The following CDKN2B-AS1 variants were observed in gnomAD, a reference collection of about 807,000 sequenced individuals.
CDKN2B-AS1 encodes CDKN2B and CDKN2A antisense cis and trans regulatory RNA 1.
rs749217508 is a variant in CDKN2B-AS1, at chr9:22,033,389, T to C, written n.30-13362T>C. On this transcript the variant is annotated intron_variant and non_coding_transcript_variant, in intron 1 of 4. Coordinates refer to ENST00000650946, the Ensembl canonical transcript of CDKN2B-AS1. ...ATACGGACGAATTTGAATCACAATT[T>C]CCTCACTATATGCCAGCAAAATTTA... 8.5e-4 allele frequency among the ~76,000 whole-genome samples: 130 copies of C among 152,232 alleles called. 2 individuals carry two copies. The highest frequency in any genetic ancestry group is 1.6e-3 in the Non-Finnish European group (108 of 68,008).
chr9:22,012,573 A>G, intron 1 of CDKN2B-AS1: 1 of 514,054 alleles, frequency 1.9e-6, no homozygotes, highest in South Asian at 1.7e-5. Flanking sequence ...CCTCCTGCCC[A>G]GGCCCCATGG....
At chr9:22,063,352 T>C (rs1227734698) in intron 4 of CDKN2B-AS1, among the ~76,000 whole-genome samples, 2 of 152,262 alleles carry the variant, frequency 1.3e-5, no homozygotes, top group East Asian at 3.9e-4. Flanking sequence ...AATTTTTTAA[T>C]GAAGAAGAAA....
intron 4 of CDKN2B-AS1, among the ~76,000 whole-genome samples, chr9:22,111,765 A>G (rs967349085): frequency 2.6e-5 from 4 of 152,204 alleles, no homozygotes; most frequent in Non-Finnish European, 5.9e-5. Flanking sequence ...AAGTGAGACA[A>G]GCACCCAGTA....
chr9:22,029,030 G>T (rs1455115170), intron 1 of CDKN2B-AS1, among the ~76,000 whole-genome samples: 1 of 149,050 alleles, frequency 6.7e-6, no homozygotes, highest in African/African-American at 2.5e-5. Flanking sequence ...CAAAAAGAAT[G>T]ATGATGCAAT....
intron 4 of CDKN2B-AS1, among the ~76,000 whole-genome samples, chr9:22,078,636 G>A (rs1313438139): frequency 6.6e-6 from 1 of 152,174 alleles, no homozygotes; most frequent in Non-Finnish European, 1.5e-5. Context: ...CAGCAGGTCT[G>A]GAGTAGGGTC....
chr9:22,092,635 T>C (rs1024596434), intron 4 of CDKN2B-AS1, among the ~76,000 whole-genome samples: 1 of 152,230 alleles, frequency 6.6e-6, no homozygotes, highest in Non-Finnish European at 1.5e-5. Flanking sequence ...TATTCTCTGA[T>C]GGTAGTTTGT....
At chr9:22,054,822 GCTC>G in intron 3 of CDKN2B-AS1, among the ~76,000 whole-genome samples, 1 of 150,392 alleles carries the variant, frequency 6.6e-6, no homozygotes, top group South Asian at 2.1e-4. Context: ...CTCTGTCTCA[GCTC>G]ACTGTAACTT....
chr9:21,998,778 C>T (rs2131162289), intron 1 of CDKN2B-AS1, among the ~76,000 whole-genome samples: 1 of 152,212 alleles, frequency 6.6e-6, no homozygotes, highest in African/African-American at 2.4e-5. Context: ...TAGCTTTATC[C>T]CTTAGGTAAC....
intron 1 of CDKN2B-AS1, among the ~76,000 whole-genome samples, chr9:22,018,793 C>T (rs79788598): frequency 6.6e-6 from 1 of 152,300 alleles, no homozygotes; most frequent in East Asian, 1.9e-4. Context: ...AATTAGCTAT[C>T]TGTAATATAT....
Position 22,005,111 on chromosome 9 carries a change from C to CGTGTGTGTGT in CDKN2B-AS1, n.29+9950_29+9951insGTGTGTGTGT. The CGTGTGTGTGT allele has an allele frequency of 6.3e-6, 1 of 159,560 alleles. No individual in the cohort carries two copies. The highest frequency in any genetic ancestry group is 7.9e-5 in the East Asian group (1 of 12,630). 9.9% of individuals were successfully genotyped at this position (159,560 alleles called of 1,614,324 possible). A position where few individuals can be genotyped will look rare whatever the true frequency, so the allele number is the denominator to read the frequency against. On this transcript the variant is annotated intron_variant and non_coding_transcript_variant, in intron 1 of 4. Coordinates refer to ENST00000650946, the Ensembl canonical transcript of CDKN2B-AS1. The surrounding 1 kb of genome is among the most constrained non-coding windows in gnomAD (Gnocchi z 4.9). ...TCATAAGGGGATTTCCGCATCCTAG[C>CGTGTGTGTGT]ATGTGTGTGTGTGTGTGTGTGTGTG...
chr9:22,052,417 G>T (rs1271099939), intron 3 of CDKN2B-AS1, among the ~76,000 whole-genome samples: 7 of 152,180 alleles, frequency 4.6e-5, no homozygotes. Context: ...TTTCTACAAA[G>T]AGATGCATGA....
Position 22,057,493 on chromosome 9 carries a change from A to G in CDKN2B-AS1, n.438+1106A>G, listed in dbSNP as rs190339334. ...TTCTGCTGGCCACACTCAGGAAGAC[A>G]TAAAGATATAGTTGTAGAAAGTGAT... On this transcript the variant is annotated intron_variant and non_coding_transcript_variant, in intron 4 of 4. Coordinates refer to ENST00000650946, the Ensembl canonical transcript of CDKN2B-AS1. Among the ~76,000 whole-genome samples the G allele has an allele frequency of 3.3e-5, 5 of 152,294 alleles. No individual in the cohort carries two copies. The East Asian group carries it at 9.6e-4, about 29-fold the overall frequency.
intron 4 of CDKN2B-AS1, among the ~76,000 whole-genome samples, chr9:22,062,408 G>A (rs1224423437): frequency 6.6e-6 from 1 of 152,182 alleles, no homozygotes; most frequent in Non-Finnish European, 1.5e-5. Context: ...AGCTTGATAT[G>A]GAGGTATAGT....
chr9:21,998,263 C>T (rs956330982), intron 1 of CDKN2B-AS1, among the ~76,000 whole-genome samples: 6 of 152,106 alleles, frequency 3.9e-5, no homozygotes, highest in Non-Finnish European at 8.8e-5. Flanking sequence ...TTTTGGAATG[C>T]GGAGTGACTA....
intron 1 of CDKN2B-AS1, among the ~76,000 whole-genome samples, chr9:22,036,138 A>C (rs1822679702): frequency 6.6e-6 from 1 of 152,172 alleles, no homozygotes; most frequent in Non-Finnish European, 1.5e-5. Context: ...AGGCTGATAC[A>C]GGGCAGGGAA....
At chr9:22,074,885 A>T (rs1430461201) in intron 4 of CDKN2B-AS1, among the ~76,000 whole-genome samples, 1 of 152,188 alleles carries the variant, frequency 6.6e-6, no homozygotes, top group Non-Finnish European at 1.5e-5. Flanking sequence ...TAGACTTCCA[A>T]CTGGTCTGCT....
At chr9:22,091,219 G>A (rs1393188791) in intron 4 of CDKN2B-AS1, among the ~76,000 whole-genome samples, 1 of 152,128 alleles carries the variant, frequency 6.6e-6, no homozygotes, top group African/African-American at 2.4e-5. Context: ...ATGCTGTTTT[G>A]GTTACTGTAG....
rs1045974950 is a variant in CDKN2B-AS1 at position 22,016,263 on chromosome 9, G to A, written n.29+21102G>A. Among the ~76,000 whole-genome samples, 66 of 152,248 alleles carry A rather than the reference G, an allele frequency of 4.3e-4. 1 individual carries two copies. Among genetic ancestry groups the A allele is most frequent in the African/African-American group, 1.5e-3 (63 of 41,538 alleles). On this transcript the variant is annotated intron_variant and non_coding_transcript_variant, in intron 1 of 4. Transcript: ENST00000650946. ...AAGGGACGTGAAGGACCTCTTCAAG[G>A]AGAACTACAAACCACTGCTCAATGA... is the stretch of plus-strand genomic sequence containing the variant.
At chr9:22,042,087 G>A (rs12352425) in intron 1 of CDKN2B-AS1, among the ~76,000 whole-genome samples, 25,060 of 151,944 alleles carry the variant, frequency 0.16, 2,817 homozygotes, top group African/African-American at 0.28. Flanking sequence ...CAGGTTCTAC[G>A]GGTGAGATCA....
Sources: gnomAD v4.1 joint callset for allele counts (sites outside exome capture counted in the v4.1 genomes callset) on GRCh38, gnomAD v4.1.1 for gene constraint, Gnocchi (gnomAD v3.1) non-coding constraint, MANE v1.5 for transcripts, NCBI Gene and HGNC (gene_info 2026-07-23, HGNC 2026-07-21) for gene names.